The following MYO16 variants were observed in gnomAD, a reference collection of about 807,000 sequenced individuals.
MYO16 encodes the protein unconventional myosin-XVI.
A neutral mutation model predicts 205.3 loss-of-function variants in MYO16; 94 were observed. The ratio of observed to expected loss-of-function variants is 0.46; its 90% CI spans 0.39 to 0.54. The LOEUF is 0.54. Ranked by LOEUF, MYO16 falls within the 20% of genes least tolerant of loss-of-function variation. The probability of loss-of-function intolerance (pLI) is 0.00; values close to 1 mark genes in which losing one functional copy is unlikely to be tolerated. For synonymous variants in MYO16, 988 were observed against 954.0 expected, an observed-to-expected ratio of 1.04 and a Z score of -0.66; for missense variants, 2,315 against 2,387.5, an observed-to-expected ratio of 0.97 and a Z score of 0.63.
intron 33 of MYO16, among the ~76,000 whole-genome samples, chr13:109,173,949 G>GGGT: frequency 1.5e-5 from 2 of 131,112 alleles, no homozygotes; most frequent in South Asian, 5.5e-4. Flanking sequence ...TGTTTTGATG[G>GGGT]GGGGGGGTAC....
At chr13:108,663,359 C>T (rs932400984) in intron 1 of MYO16, among the ~76,000 whole-genome samples, 5 of 151,500 alleles carry the variant, frequency 3.3e-5, no homozygotes, top group African/African-American at 1.2e-4. Context: ...CTTATCGATT[C>T]ATAGACATAT....
chr13:108,835,686 G>A (rs1162403916), intron 9 of MYO16, among the ~76,000 whole-genome samples: 1 of 152,182 alleles, frequency 6.6e-6, no homozygotes, highest in Non-Finnish European at 1.5e-5. Flanking sequence ...ATGAAGTCCA[G>A]GCTGAGGTGG....
chr13:108,743,691 C>A (rs1220486468), intron 4 of MYO16, among the ~76,000 whole-genome samples: 1 of 152,132 alleles, frequency 6.6e-6, no homozygotes, highest in Admixed American at 6.5e-5. Context: ...GTGGAGTGTG[C>A]CCTGTTCTGT....
chr13:108,520,769 G>A, the MYO16 span, among the ~76,000 whole-genome samples: 1 of 152,174 alleles, frequency 6.6e-6, no homozygotes, highest in Non-Finnish European at 1.5e-5. Flanking sequence ...ATCAAAGTGT[G>A]CAGTGATCAC....
the MYO16 span, among the ~76,000 whole-genome samples, chr13:108,562,313 A>G: frequency 6.6e-6 from 1 of 152,028 alleles, no homozygotes; most frequent in African/African-American, 2.4e-5. Flanking sequence ...CCAAGGCTCC[A>G]CCTCCAAATA....
intron 9 of MYO16, among the ~76,000 whole-genome samples, chr13:108,839,202 T>A (rs1038511735): frequency 2.0e-5 from 3 of 151,942 alleles, no homozygotes; most frequent in Non-Finnish European, 4.4e-5. Flanking sequence ...TATAAAGCCA[T>A]CAGTCCCACT....
intron 6 of MYO16, among the ~76,000 whole-genome samples, chr13:108,795,184 C>T (rs1246788576): frequency 1.6e-5 from 2 of 122,320 alleles, no homozygotes; most frequent in Non-Finnish European, 3.4e-5. Flanking sequence ...TCTAAAATTT[C>T]CCTTTTCTTA....
chr13:109,157,970 CTTT>C (rs1878156968), intron 32 of MYO16, among the ~76,000 whole-genome samples: 2 of 152,282 alleles, frequency 1.3e-5, no homozygotes, highest in African/African-American at 4.8e-5. Context: ...ACGAATATTT[CTTT>C]AAGTTCTAAA....
At chr13:109,034,083 C>T (rs1220595221) in intron 23 of MYO16, among the ~76,000 whole-genome samples, 2 of 151,914 alleles carry the variant, frequency 1.3e-5, no homozygotes, top group East Asian at 3.9e-4. Context: ...AAAGACATCA[C>T]AAAGCACAAT....
intron 4 of MYO16, among the ~76,000 whole-genome samples, chr13:108,761,961 G>GT (rs756858912): frequency 6.6e-6 from 1 of 152,194 alleles, no homozygotes; most frequent in Non-Finnish European, 1.5e-5. Context: ...CACCTAAATA[G>GT]TTTAAGTTGT....
chr13:108,628,063 C>T (rs1012713109), upstream of MYO16, among the ~76,000 whole-genome samples: 10 of 152,100 alleles, frequency 6.6e-5, no homozygotes, highest in African/African-American at 1.9e-4. Flanking sequence ...CTTTACTTCC[C>T]GTGTTGGAAA....
intron 34 of MYO16, among the ~76,000 whole-genome samples, chr13:109,203,447 A>G (rs1880480842): frequency 6.6e-6 from 1 of 151,332 alleles, no homozygotes; most frequent in African/African-American, 2.4e-5. Context: ...TCTCTCAGTA[A>G]TTTAACCAGG....
intron 33 of MYO16, among the ~76,000 whole-genome samples, chr13:109,178,050 C>T (rs563078376): frequency 3.3e-5 from 5 of 152,272 alleles, no homozygotes; most frequent in Admixed American, 1.3e-4. Flanking sequence ...CCCTACTACC[C>T]GGAAACACAT....
intron 2 of MYO16, among the ~76,000 whole-genome samples, chr13:108,709,120 A>G (rs936598385): frequency 6.6e-6 from 1 of 151,470 alleles, no homozygotes; most frequent in Non-Finnish European, 1.5e-5. Context: ...GCGCTTCGTT[A>G]TTCTATTTGG....
At chr13:108,889,275 T>G (rs894801605) in intron 14 of MYO16, among the ~76,000 whole-genome samples, 5 of 152,182 alleles carry the variant, frequency 3.3e-5, no homozygotes, top group African/African-American at 1.2e-4. Flanking sequence ...TTTGCAGTGT[T>G]AACTGTCCCG....
intron 1 of MYO16, among the ~76,000 whole-genome samples, chr13:108,633,102 G>A (rs1193323067): frequency 1.3e-5 from 2 of 152,146 alleles, no homozygotes; most frequent in Non-Finnish European, 2.9e-5. Flanking sequence ...TATTTAAAAT[G>A]AATATTCTCC....
chr13:108,557,556 A>G, the MYO16 span, among the ~76,000 whole-genome samples: 2 of 152,216 alleles, frequency 1.3e-5, no homozygotes, highest in Admixed American at 1.3e-4. Context: ...AAGCCTAAAA[A>G]CAATGCTAGT....
At chr13:109,063,237 G>T (rs1010463119) in intron 27 of MYO16, among the ~76,000 whole-genome samples, 1 of 152,142 alleles carries the variant, frequency 6.6e-6, no homozygotes, top group African/African-American at 2.4e-5. Flanking sequence ...GATCGCTTTA[G>T]TTGAGAGGAT....
intron 23 of MYO16, among the ~76,000 whole-genome samples, chr13:109,036,461 G>A (rs1886721006): frequency 6.6e-6 from 1 of 151,996 alleles, no homozygotes; most frequent in African/African-American, 2.4e-5. Flanking sequence ...TCTTTTAATT[G>A]TATTTATTGC....
Sources: gnomAD v4.1 joint callset for allele counts (sites outside exome capture counted in the v4.1 genomes callset) on GRCh38, gnomAD v4.1.1 for gene constraint, MANE v1.5 for transcripts, NCBI Gene and HGNC (gene_info 2026-07-23, HGNC 2026-07-21) for gene names.